The following TBXAS1 variants were observed in gnomAD, a reference collection of about 807,000 sequenced individuals.
The protein encoded by TBXAS1 is thromboxane-A synthase.
A neutral mutation model predicts 60.7 loss-of-function variants in TBXAS1; 48 were observed. The observed-to-expected ratio is 0.79, with a 90% CI of 0.63 to 1.01. The LOEUF (loss-of-function observed/expected upper bound fraction) is 1.01. TBXAS1 is among the 50% of genes least tolerant of loss of function. The pLI is 0.00. For synonymous variants in TBXAS1, 287 were observed against 269.7 expected, an observed-to-expected ratio of 1.06 and a Z score of -0.63; for missense variants, 685 against 686.3, an observed-to-expected ratio of 1.00 and a Z score of 0.02.
intron 9 of TBXAS1, among the ~76,000 whole-genome samples, chr7:139,984,839 G>A (rs1812300042): frequency 7.3e-6 from 1 of 136,708 alleles, no homozygotes; most frequent in Non-Finnish European, 1.6e-5. Context: ...GAAAGAGGAA[G>A]GAAGGAAGGA....
At chr7:139,907,972 C>A (rs1164521225) in intron 3 of TBXAS1, among the ~76,000 whole-genome samples, 1 of 151,874 alleles carries the variant, frequency 6.6e-6, no homozygotes, top group Non-Finnish European at 1.5e-5. Flanking sequence ...GACCCTTATC[C>A]TTTTAGTAGC....
At chr7:139,985,128 C>T (rs1366457695) in intron 9 of TBXAS1, among the ~76,000 whole-genome samples, 2 of 152,226 alleles carry the variant, frequency 1.3e-5, no homozygotes, top group Non-Finnish European at 2.9e-5. Context: ...GGACTTTCCA[C>T]GAGGCTAGAC....
chr7:139,936,404 G>A, intron 5 of TBXAS1, 97 bp downstream of exon 5: 1 of 1,224,398 alleles, frequency 8.2e-7, no homozygotes, highest in South Asian at 1.2e-5. Context: ...CACTTGCCCA[G>A]GTGACACATC....
intron 3 of TBXAS1, among the ~76,000 whole-genome samples, chr7:139,878,557 G>A (rs1168558601): frequency 6.6e-6 from 1 of 152,140 alleles, no homozygotes; most frequent in Non-Finnish European, 1.5e-5. Context: ...TTTTAAATGT[G>A]TCTACTCCCA....
In TBXAS1 at chr7:139,972,158, G is replaced by C. The variant is rs556166213; in HGVS notation, c.1134+9925G>C. 2.0e-5 allele frequency among the ~76,000 whole-genome samples: 3 copies of C among 152,294 alleles called. No homozygotes were observed. The South Asian group carries it at 6.2e-4, about 32-fold the overall frequency. On this transcript the variant is annotated intron_variant, in intron 9 of 12. Coordinates refer to ENST00000448866, the MANE Select transcript of TBXAS1 (RefSeq NM_001061.7). ...TAATGCCCCAAGTCCCCCTCCCCCT[G>C]AGTCCCTGCAGAGCAGAGGGAGGGG...
intron 4 of TBXAS1, among the ~76,000 whole-genome samples, chr7:139,930,887 G>A (rs1274594368): frequency 6.6e-6 from 1 of 152,158 alleles, no homozygotes; most frequent in Non-Finnish European, 1.5e-5. Flanking sequence ...GATGGAAAGA[G>A]TTGGCCAAAG....
intron 9 of TBXAS1, among the ~76,000 whole-genome samples, chr7:139,976,556 C>T (rs77552453): frequency 0.012 from 1,787 of 152,324 alleles, 16 homozygotes; most frequent in Middle Eastern, 0.034. Context: ...GCTTAAATTC[C>T]TGTATATGCC....
intron 9 of TBXAS1, among the ~76,000 whole-genome samples, chr7:139,981,391 C>G (rs983156550): frequency 1.3e-5 from 2 of 152,328 alleles, no homozygotes; most frequent in African/African-American, 4.8e-5. Context: ...GCTGGGATTA[C>G]AGGCATGAGC....
chr7:139,872,235 G>A lies in TBXAS1; in HGVS notation c.90G>A (p.Trp30Ter), dbSNP rs1021202460. ...LSVALLALLK[W>*]YSTSAFSRLE... ...TTTTGAAATCTGCTTTTCCCTCCAG[G>A]TACTCCACATCAGCATTCTCAAGAC... is the stretch of plus-strand genomic sequence containing the variant. Residue 30 changes from tryptophan to a stop codon, truncating the protein, a stop_gained and splice_region_variant, in exon 2 of 13, where the codon TGG becomes TGA. Coordinates refer to ENST00000448866, the MANE Select transcript of TBXAS1 (RefSeq NM_001061.7). LOFTEE classifies it high-confidence loss of function. The A allele has an allele frequency of 6.2e-7, 1 of 1,613,620 alleles. No individual in the cohort carries two copies. Among genetic ancestry groups the A allele is most frequent in the South Asian group, 1.1e-5 (1 of 91,076 alleles).
intron 3 of TBXAS1, among the ~76,000 whole-genome samples, chr7:139,907,422 A>C (rs1805191131): frequency 6.6e-6 from 1 of 152,010 alleles, no homozygotes; most frequent in Non-Finnish European, 1.5e-5. Context: ...GCTAGATTTG[A>C]TTTGTTGAAG....
At chr7:139,781,954 A>G (rs1473680356) in intron 2 of TBXAS1, among the ~76,000 whole-genome samples, 8 of 151,142 alleles carry the variant, frequency 5.3e-5, no homozygotes, top group Admixed American at 5.3e-4. Flanking sequence ...CTTAAATTCT[A>G]CCTGAATATG....
chr7:139,825,027 G>A (rs1471424765), upstream of TBXAS1, among the ~76,000 whole-genome samples: 5 of 151,662 alleles, frequency 3.3e-5, no homozygotes, highest in African/African-American at 1.2e-4. Context: ...ACAGGGTTTT[G>A]CCATGTTGGT....
At chr7:139,872,352 T>A in intron 2 of TBXAS1, 24 bp downstream of exon 2, 2 of 1,608,234 alleles carry the variant, frequency 1.2e-6, no homozygotes, top group Non-Finnish European at 1.7e-6. Context: ...TCCATTGGCT[T>A]CCATCATAAA....
At chr7:139,842,895 G>A (rs547814675) in intron 1 of TBXAS1, among the ~76,000 whole-genome samples, 10 of 152,140 alleles carry the variant, frequency 6.6e-5, no homozygotes, top group Non-Finnish European at 1.3e-4. Context: ...TTTTCCCCTC[G>A]AAGATATCTA....
At chr7:139,938,435 C>T (rs554504784) in intron 5 of TBXAS1, among the ~76,000 whole-genome samples, 3 of 152,292 alleles carry the variant, frequency 2.0e-5, no homozygotes, top group African/African-American at 7.2e-5. Flanking sequence ...AGTAGAAGTT[C>T]CCCACAAGGA....
At chr7:139,795,768 C>T (rs1014958466) in intron 4 of TBXAS1, among the ~76,000 whole-genome samples, 1 of 152,066 alleles carries the variant, frequency 6.6e-6, no homozygotes, top group Non-Finnish European at 1.5e-5. Flanking sequence ...CTCACTGTTT[C>T]ACCACCCCGC....
chr7:139,886,447 C>T (rs984981532), intron 3 of TBXAS1, among the ~76,000 whole-genome samples: 6 of 148,992 alleles, frequency 4.0e-5, no homozygotes, highest in Non-Finnish European at 7.4e-5. Context: ...TAACCTTTGC[C>T]CGGAATCTAT....
rs145714437 is a variant in TBXAS1 at position 140,000,394 on chromosome 7, G to C, written c.1135-6697G>C. Among the ~76,000 whole-genome samples, 532 of 152,276 alleles carry C rather than the reference G, an allele frequency of 3.5e-3. 7 individuals are homozygous for C. The highest frequency in any genetic ancestry group is 3.8e-3 in the Non-Finnish European group (257 of 68,020). The stretch of plus-strand genomic sequence containing the variant: ...ATGGTGGCTTGCACCTGTAGTCCCA[G>C]TTACTCTGGCGGCTGAGGCAGGAGG... On this transcript the variant is annotated intron_variant, in intron 9 of 12. Coordinates refer to ENST00000448866, the MANE Select transcript of TBXAS1 (RefSeq NM_001061.7).
intron 9 of TBXAS1, among the ~76,000 whole-genome samples, chr7:139,968,305 T>C (rs530752403): frequency 4.3e-4 from 66 of 152,240 alleles, no homozygotes; most frequent in African/African-American, 1.4e-3. Flanking sequence ...TTGTTTTGTT[T>C]TGTTTTTGAG....
Sources: allele counts gnomAD v4.1 joint callset (sites outside exome capture counted in the v4.1 genomes callset), GRCh38; gene constraint gnomAD v4.1.1; transcripts MANE v1.5; gene names NCBI Gene and HGNC (gene_info 2026-07-23, HGNC 2026-07-21).